DST: variants seen among roughly 807,000 people sequenced by gnomAD.
The protein encoded by DST is bullous pemphigoid antigen.
DST carries 253 observed loss-of-function variants against 875.2 expected under a neutral mutation model. That is an observed-to-expected ratio of 0.29 (90% CI 0.26 to 0.32). The LOEUF is 0.32. Among genes scored for constraint, DST ranks in the 10% least tolerant of loss-of-function variants. The probability of loss-of-function intolerance (pLI) is 1.00; values close to 1 mark genes in which losing one functional copy is unlikely to be tolerated. For missense variants in DST, 8,287 were observed against 9,111.6 expected, an observed-to-expected ratio of 0.91 and a Z score of 3.68; for synonymous variants, 3,124 against 3,197.1, an observed-to-expected ratio of 0.98 and a Z score of 0.77.
intron 44 of DST, among the ~76,000 whole-genome samples, 199 bp downstream of exon 44, chr6:56,601,244 C>A (rs2098443292): frequency 1.3e-5 from 2 of 151,930 alleles, no homozygotes; most frequent in Non-Finnish European, 2.9e-5. Flanking sequence ...TTGGGAGTCA[C>A]AAAAATTCAA....
intron 36 of DST, chr6:56,618,171 A>T: frequency 6.2e-7 from 1 of 1,614,186 alleles, no homozygotes; most frequent in Non-Finnish European, 8.5e-7. Context: ...TACTCAGAGT[A>T]ACACTGCTGG....
intron 55 of DST, among the ~76,000 whole-genome samples, chr6:56,563,805 T>C (rs556128792): frequency 6.6e-5 from 10 of 152,244 alleles, no homozygotes; most frequent in African/African-American, 2.2e-4. Flanking sequence ...TATGGCTAGC[T>C]AGTTTTCCCA....
intron 9 of DST, among the ~76,000 whole-genome samples, chr6:56,678,980 A>T (rs1388799830): frequency 6.6e-6 from 1 of 152,188 alleles, no homozygotes; most frequent in Non-Finnish European, 1.5e-5. Flanking sequence ...GCTGCCTCTG[A>T]GAACTGCTCA....
chr6:56,509,946 A>T, intron 73 of DST, 73 bp from the exon 74 acceptor site: 1 of 1,182,762 alleles, frequency 8.5e-7, no homozygotes, highest in Non-Finnish European at 1.2e-6. Flanking sequence ...AAATGAAAAA[A>T]CATTTTTTAC....
intron 4 of DST, among the ~76,000 whole-genome samples, chr6:56,757,410 C>G (rs1197380840): frequency 6.6e-6 from 1 of 152,146 alleles, no homozygotes; most frequent in Non-Finnish European, 1.5e-5. Flanking sequence ...GTGCAATATA[C>G]AGTGTGGCCC....
chr6:56,713,080 C>T (rs1236038159), intron 5 of DST, among the ~76,000 whole-genome samples: 3 of 152,124 alleles, frequency 2.0e-5, no homozygotes, highest in Non-Finnish European at 4.4e-5. Flanking sequence ...TCTCTTTATA[C>T]CTACCTATCA....
At chr6:56,546,972 A>G (rs2097240353) in intron 61 of DST, among the ~76,000 whole-genome samples, 1 of 152,218 alleles carries the variant, frequency 6.6e-6, no homozygotes, top group African/African-American at 2.4e-5. Context: ...AAAATCCTAC[A>G]TTATAAAATC....
intron 36 of DST, chr6:56,616,630 T>C (rs1164171290): frequency 6.2e-7 from 1 of 1,614,198 alleles, no homozygotes; most frequent in South Asian, 1.1e-5. Flanking sequence ...GTAAAAACTG[T>C]AAGATGGCAT....
intron 13 of DST, among the ~76,000 whole-genome samples, chr6:56,646,716 T>C (rs1023060133): frequency 1.3e-5 from 2 of 152,210 alleles, no homozygotes; most frequent in African/African-American, 4.8e-5. Context: ...AGGTAGATGC[T>C]ATTAGTTGAT....
intron 3 of DST, chr6:56,871,398 T>C (rs972166183): frequency 6.9e-7 from 1 of 1,439,468 alleles, no homozygotes; most frequent in African/African-American, 1.4e-5. Context: ...AGTTGGCAGG[T>C]GTGCCCAGGC....
intron 4 of DST, among the ~76,000 whole-genome samples, chr6:56,832,534 A>G (rs2099788369): frequency 6.6e-6 from 1 of 151,402 alleles, no homozygotes; most frequent in South Asian, 2.1e-4. Flanking sequence ...CAACCTCTTT[A>G]TTTTGTAAAT....
At chr6:56,486,644 G>C (rs966142533) in intron 87 of DST, among the ~76,000 whole-genome samples, 1 of 152,140 alleles carries the variant, frequency 6.6e-6, no homozygotes, top group Admixed American at 6.5e-5. Flanking sequence ...GAGTTGGAAA[G>C]AAATGCTGGG....
chr6:56,510,437 A>G (rs927932651), intron 73 of DST, among the ~76,000 whole-genome samples: 1 of 152,182 alleles, frequency 6.6e-6, no homozygotes, highest in Non-Finnish European at 1.5e-5. Flanking sequence ...AACCTCCCCA[A>G]TGTTGTAACT....
chr6:56,474,211 C>A, intron 92 of DST: 2 of 425,416 alleles, frequency 4.7e-6, no homozygotes, highest in East Asian at 1.1e-4. Flanking sequence ...TGGCCAGGTG[C>A]AGTGGCTCAT....
At chr6:56,816,179 T>G (rs1224663154) in intron 4 of DST, among the ~76,000 whole-genome samples, 2 of 152,252 alleles carry the variant, frequency 1.3e-5, no homozygotes, top group Non-Finnish European at 2.9e-5. Context: ...CCCCTAAAAC[T>G]TCCTGCTGAC....
At chr6:56,915,041 C>G (rs1421245561) in intron 2 of DST, among the ~76,000 whole-genome samples, 1 of 152,178 alleles carries the variant, frequency 6.6e-6, no homozygotes, top group Non-Finnish European at 1.5e-5. Flanking sequence ...CAGTCATGCG[C>G]AATGACAGAC....
At chr6:56,851,915 A>G (rs1765485533) in intron 3 of DST, 7 of 1,541,284 alleles carry the variant, frequency 4.5e-6, no homozygotes, top group African/African-American at 2.8e-5. Flanking sequence ...TGGCCCAACA[A>G]TGAAGCCAGA....
In DST at chr6:56,609,028, G is replaced by A. The variant is rs913621054; in HGVS notation, c.5600C>T (p.Ser1867Phe). ...TATCTCAAGAACTTTGATGGCCATG[G>A]ATTCTGTTATCATGCTTTGAGCTAG... ...DALAQSMITE[S>F]MAIKVLEILL... The change falls in exon 40 of 104, where the codon TCC becomes TTC. Residue 1867 changes from serine (S) to phenylalanine (F), a missense_variant. Physicochemically the swap from Ser to Phe is radical, Grantham distance 155 (BLOSUM62 -2). Coordinates refer to ENST00000680361, the MANE Select transcript of DST (RefSeq NM_001374736.1). 2 of 1,613,880 alleles carry A rather than the reference G, an allele frequency of 1.2e-6. No homozygotes were observed. The highest frequency in any genetic ancestry group is 2.2e-5 in the East Asian group (1 of 44,880).
At chr6:56,698,560 C>G (rs1480856568) in intron 9 of DST, among the ~76,000 whole-genome samples, 1 of 152,188 alleles carries the variant, frequency 6.6e-6, no homozygotes, top group East Asian at 1.9e-4. Flanking sequence ...CTCCTGACCT[C>G]ATGATCCACT....
Sources: gnomAD v4.1 joint callset for allele counts (sites outside exome capture counted in the v4.1 genomes callset) on GRCh38, gnomAD v4.1.1 for gene constraint, MANE v1.5 for transcripts, NCBI Gene and HGNC (gene_info 2026-07-23, HGNC 2026-07-21) for gene names.